Variants in SGCD observed in about 807,000 individuals in gnomAD.
SGCD encodes the protein sarcoglycan delta.
Under a neutral mutation model 36.6 loss-of-function variants are expected in SGCD, and 18 were observed. The observed-to-expected ratio is 0.49, with a 90% CI of 0.34 to 0.73. The LOEUF is 0.73. SGCD is among the 30% of genes least tolerant of loss of function. The pLI, the probability that SGCD is intolerant of heterozygous loss-of-function variation, is 0.01. For missense variants in SGCD, 387 were observed against 346.7 expected (o/e 1.12, Z -0.92); for synonymous variants, 133 against 130.6 (o/e 1.02, Z -0.12).
At chr5:156,082,310 G>A (rs1373505338) in intron 1 of SGCD, among the ~76,000 whole-genome samples, 1 of 151,692 alleles carries the variant, frequency 6.6e-6, no homozygotes, top group Admixed American at 6.6e-5. Flanking sequence ...GGGGAAGTCA[G>A]AGAAACCTTG....
intron 1 of SGCD, among the ~76,000 whole-genome samples, chr5:155,923,237 T>C (rs1410148602): frequency 1.3e-5 from 2 of 149,928 alleles, no homozygotes; most frequent in Non-Finnish European, 3.0e-5. Flanking sequence ...AATACATGAA[T>C]AAACTAATAC....
At chr5:156,005,123 C>T (rs982589058) in intron 1 of SGCD, among the ~76,000 whole-genome samples, 10 of 152,094 alleles carry the variant, frequency 6.6e-5, no homozygotes, top group Non-Finnish European at 1.3e-4. Context: ...GTGAAGGATG[C>T]ACAGGTGGAT....
chr5:156,250,058 G>T (rs1561584187), intron 3 of SGCD, among the ~76,000 whole-genome samples: 2 of 152,114 alleles, frequency 1.3e-5, no homozygotes, highest in South Asian at 4.2e-4. Flanking sequence ...CTGTCTCTGG[G>T]CTCTCCTAGA....
chr5:156,759,581 A>C lies in SGCD; in HGVS notation c.*191A>C, dbSNP rs1203230057. Reference sequence around the variant, plus strand: ...AAATATATATAAATATATATAAATAAATATATATATCCTCTGTATAAAATG... The same window carrying C: ...AAATATATATAAATATATATAAATACATATATATATCCTCTGTATAAAATG... On this transcript the variant is annotated 3_prime_UTR_variant, in exon 9 of 9. Transcript: ENST00000337851. 1.1e-5 allele frequency: 2 copies of C among 174,422 alleles called. No individual in the cohort carries two copies. The highest frequency in any genetic ancestry group is 6.3e-5 in the Admixed American group (1 of 15,906). 10.8% of individuals were successfully genotyped at this position (174,422 alleles called of 1,614,324 possible).
chr5:156,300,697 G>T (rs1161524236), intron 3 of SGCD, among the ~76,000 whole-genome samples: 1 of 152,002 alleles, frequency 6.6e-6, no homozygotes, highest in Non-Finnish European at 1.5e-5. Context: ...TCTCTCCAAT[G>T]CTGAAACTGT....
intron 1 of SGCD, among the ~76,000 whole-genome samples, chr5:156,078,849 T>A (rs1355708091): frequency 6.6e-6 from 1 of 150,748 alleles, no homozygotes; most frequent in Non-Finnish European, 1.5e-5. Context: ...TACACTTATT[T>A]GTGTGTATAT....
intron 3 of SGCD, among the ~76,000 whole-genome samples, chr5:156,269,265 C>A (rs1183408510): frequency 6.6e-6 from 1 of 151,710 alleles, no homozygotes; most frequent in African/African-American, 2.4e-5. Flanking sequence ...GTCAGGAGAT[C>A]AAGACCATCC....
intron 6 of SGCD, among the ~76,000 whole-genome samples, chr5:156,610,170 A>G (rs186544857): frequency 1.3e-5 from 2 of 152,018 alleles, no homozygotes; most frequent in Admixed American, 6.5e-5. Context: ...CCATCTTTGT[A>G]GTTTTATCTA....
intron 3 of SGCD, among the ~76,000 whole-genome samples, chr5:156,490,241 C>A (rs777500812): frequency 5.9e-5 from 9 of 151,860 alleles, no homozygotes; most frequent in Non-Finnish European, 1.2e-4. Flanking sequence ...AAGATGAGCC[C>A]AGGACGAGAT....
At chr5:155,816,106 C>T in the SGCD span, among the ~76,000 whole-genome samples, 1 of 152,066 alleles carries the variant, frequency 6.6e-6, no homozygotes. Flanking sequence ...GAAATTTGTT[C>T]AGAAGGATAA....
At chr5:156,013,720 G>A (rs1413729982) in intron 1 of SGCD, among the ~76,000 whole-genome samples, 3 of 151,872 alleles carry the variant, frequency 2.0e-5, no homozygotes, top group South Asian at 2.1e-4. Flanking sequence ...TAAGGTTAAC[G>A]TTTTATCTTC....
intron 3 of SGCD, among the ~76,000 whole-genome samples, chr5:156,437,020 T>A (rs1753274118): frequency 6.6e-6 from 1 of 151,352 alleles, no homozygotes; most frequent in South Asian, 2.1e-4. Context: ...GTGTCCCATA[T>A]TTTTTTTTAT....
At chr5:155,782,390 C>T in the SGCD span, among the ~76,000 whole-genome samples, 2 of 151,874 alleles carry the variant, frequency 1.3e-5, no homozygotes, top group African/African-American at 2.4e-5. Context: ...AAGAATTTGG[C>T]TGCTACAAAA....
chr5:155,728,470 A>C, the SGCD span, among the ~76,000 whole-genome samples: 2 of 152,182 alleles, frequency 1.3e-5, no homozygotes, highest in Non-Finnish European at 1.5e-5. Flanking sequence ...GGCACGGCGG[A>C]TTGAAGCGAG....
At chr5:156,703,779 T>A (rs1426604094) in intron 7 of SGCD, among the ~76,000 whole-genome samples, 4 of 152,136 alleles carry the variant, frequency 2.6e-5, no homozygotes, top group African/African-American at 9.7e-5. Context: ...TGTGACAATA[T>A]AGATCTTATA....
intron 1 of SGCD, among the ~76,000 whole-genome samples, chr5:156,012,667 C>T (rs113861105): frequency 6.7e-6 from 1 of 149,434 alleles, no homozygotes; most frequent in African/African-American, 2.5e-5. Flanking sequence ...AGCTGGAGTG[C>T]AGTGGTGGGA....
intron 3 of SGCD, among the ~76,000 whole-genome samples, chr5:156,280,093 A>G (rs1369249224): frequency 1.3e-5 from 2 of 152,054 alleles, no homozygotes; most frequent in African/African-American, 4.8e-5. Context: ...CCCTTTTCCC[A>G]AATAAGATGT....
At chr5:156,401,067 T>A (rs1772120926) in intron 3 of SGCD, among the ~76,000 whole-genome samples, 1 of 152,168 alleles carries the variant, frequency 6.6e-6, no homozygotes, top group Non-Finnish European at 1.5e-5. Context: ...TTTCTTGCCC[T>A]CACGGAGCTT....
chr5:156,738,949 G>C (rs990301301), intron 7 of SGCD, among the ~76,000 whole-genome samples: 1 of 152,190 alleles, frequency 6.6e-6, no homozygotes, highest in Non-Finnish European at 1.5e-5. Flanking sequence ...TGAGTCTGAA[G>C]CTCAAGCTTT....
Sources: gnomAD v4.1 joint callset for allele counts (sites outside exome capture counted in the v4.1 genomes callset) on GRCh38, gnomAD v4.1.1 for gene constraint, MANE v1.5 for transcripts, NCBI Gene and HGNC (gene_info 2026-07-23, HGNC 2026-07-21) for gene names.